Variants in SNX7 observed in about 807,000 individuals in gnomAD.
SNX7 encodes the protein sorting nexin 7, also known as sorting nexin-7.
A neutral mutation model predicts 48.4 loss-of-function variants in SNX7; 35 were observed. That is an observed-to-expected ratio of 0.72 (90% CI 0.55 to 0.96). SNX7 has a LOEUF of 0.96. Ranked by LOEUF, SNX7 falls within the 40% of genes least tolerant of loss-of-function variation. The pLI, the probability that SNX7 is intolerant of heterozygous loss-of-function variation, is 0.00. For synonymous variants in SNX7, 190 were observed against 190.2 expected (o/e 1.00, Z 0.01); for missense variants, 553 against 548.9 (o/e 1.01, Z -0.07).
chr1:98,665,363 G>T (rs1162991280), intron 1 of SNX7, among the ~76,000 whole-genome samples: 1 of 151,982 alleles, frequency 6.6e-6, no homozygotes, highest in South Asian at 2.1e-4. Context: ...GTTCTGGAAG[G>T]TAGCGAACAG....
intron 8 of SNX7, among the ~76,000 whole-genome samples, chr1:98,742,374 T>C (rs553565511): frequency 8.5e-5 from 13 of 152,240 alleles, no homozygotes; most frequent in Admixed American, 5.9e-4. Flanking sequence ...ATCTCACATG[T>C]GGCATCTCAC....
intron 7 of SNX7, among the ~76,000 whole-genome samples, chr1:98,720,967 G>A (rs1652837530): frequency 6.6e-6 from 1 of 152,064 alleles, no homozygotes; most frequent in Non-Finnish European, 1.5e-5. Flanking sequence ...AGTGTACACA[G>A]TACTAGAGCA....
intron 5 of SNX7, among the ~76,000 whole-genome samples, chr1:98,698,050 T>G: frequency 6.6e-6 from 1 of 152,262 alleles, no homozygotes; most frequent in South Asian, 2.1e-4. Context: ...TTTAACTAAT[T>G]TAATTTAACT....
chr1:98,733,865 T>A (rs966875217), intron 7 of SNX7, among the ~76,000 whole-genome samples: 3 of 152,088 alleles, frequency 2.0e-5, no homozygotes, highest in African/African-American at 7.2e-5. Context: ...TCCTCCTTTG[T>A]TTCTCTCTTA....
At chr1:98,665,519 G>A (rs1313694133) in intron 1 of SNX7, among the ~76,000 whole-genome samples, 3 of 152,114 alleles carry the variant, frequency 2.0e-5, no homozygotes, top group East Asian at 1.9e-4. Context: ...TGGTAAATCA[G>A]AGTTATAATG....
Position 98,691,188 on chromosome 1 carries a change from A to C in SNX7, c.474+3A>C, listed in dbSNP as rs772221972. 1 of 1,582,606 alleles carries C rather than the reference A, an allele frequency of 6.3e-7. No individual in the cohort carries two copies. The highest frequency in any genetic ancestry group is 1.8e-5 in the Admixed American group (1 of 56,230). On this transcript the variant is annotated splice_donor_region_variant and intron_variant, in intron 3 of 8. Coordinates refer to ENST00000306121, the MANE Select transcript of SNX7 (RefSeq NM_015976.5). Reference sequence around the variant, plus strand: ...CACACCCCACTCTGATTATTCCAGTAAGTTTGCAAAATTTTTTTTTTCATA... The same window carrying C: ...CACACCCCACTCTGATTATTCCAGTCAGTTTGCAAAATTTTTTTTTTCATA...
At chr1:98,746,120 G>T (rs962178346) in intron 8 of SNX7, among the ~76,000 whole-genome samples, 1 of 151,998 alleles carries the variant, frequency 6.6e-6, no homozygotes, top group Non-Finnish European at 1.5e-5. Context: ...CCGAGAAACT[G>T]CCTTCTCAGT....
Position 98,698,690 on chromosome 1 carries a change from C to CTTT in SNX7, c.839-5_839-3dup. On this transcript the variant is annotated splice_polypyrimidine_tract_variant and intron_variant, in intron 5 of 8. Transcript: ENST00000306121. Reference sequence around the variant, plus strand: ...TTGTTTATTGAAGAGCTTATTAAGTCTTTTTTTTTTTTTAGAATATTTTGA... The same window carrying CTTT: ...TTGTTTATTGAAGAGCTTATTAAGTCTTTTTTTTTTTTTTTTAGAATATTTTGA... The CTTT allele has an allele frequency of 7.5e-7, 1 of 1,328,602 alleles. No individual in the cohort carries two copies. The highest frequency in any genetic ancestry group is 1.0e-6 in the Non-Finnish European group (1 of 958,846). 82.3% of individuals were successfully genotyped at this position (1,328,602 alleles called of 1,614,324 possible). A position where few individuals can be genotyped will look rare whatever the true frequency, so the allele number is the denominator to read the frequency against.
intron 1 of SNX7, among the ~76,000 whole-genome samples, chr1:98,672,282 AC>A (rs1649912858): frequency 6.6e-6 from 1 of 151,776 alleles, no homozygotes. Context: ...TGAAGCAGTA[AC>A]CCCTAACTGG....
intron 1 of SNX7, among the ~76,000 whole-genome samples, chr1:98,684,030 A>G (rs12747469): frequency 1.2e-4 from 18 of 152,090 alleles, no homozygotes; most frequent in Non-Finnish European, 2.5e-4. Context: ...TTAATAACCA[A>G]TCATCTGGTT....
intron 7 of SNX7, among the ~76,000 whole-genome samples, chr1:98,704,296 G>GAT (rs1235196875): frequency 6.6e-6 from 1 of 152,130 alleles, no homozygotes; most frequent in Non-Finnish European, 1.5e-5. Flanking sequence ...TATTCTGTAA[G>GAT]ATACTTTTGG....
At chr1:98,680,123 A>AC (rs1038836012) in intron 1 of SNX7, among the ~76,000 whole-genome samples, 1 of 152,248 alleles carries the variant, frequency 6.6e-6, no homozygotes, top group South Asian at 2.1e-4. Flanking sequence ...AGGTTCCTAA[A>AC]CCCTAATTCT....
chr1:98,675,308 A>G (rs1023064777), intron 1 of SNX7, among the ~76,000 whole-genome samples: 2 of 152,186 alleles, frequency 1.3e-5, no homozygotes, highest in South Asian at 4.1e-4. Flanking sequence ...TGAAGTGAAT[A>G]TAAAACACTT....
intron 7 of SNX7, among the ~76,000 whole-genome samples, chr1:98,703,505 G>T (rs1172509712): frequency 1.3e-5 from 2 of 151,994 alleles, no homozygotes; most frequent in Non-Finnish European, 1.5e-5. Context: ...TAGGAGAAAG[G>T]AATCTGTGAG....
At chr1:98,709,878 C>A (rs985680662) in intron 7 of SNX7, among the ~76,000 whole-genome samples, 2 of 152,080 alleles carry the variant, frequency 1.3e-5, no homozygotes, top group East Asian at 1.9e-4. Context: ...AATGTCTTTA[C>A]TTTCTGTCTT....
chr1:98,750,404 G>A (rs114986843), intron 8 of SNX7, among the ~76,000 whole-genome samples: 2 of 151,864 alleles, frequency 1.3e-5, no homozygotes, highest in South Asian at 2.1e-4. Context: ...TATCCTCATC[G>A]ATGAAGTGAT....
intron 6 of SNX7, among the ~76,000 whole-genome samples, chr1:98,701,272 A>C (rs1220121975): frequency 6.6e-6 from 1 of 152,188 alleles, no homozygotes; most frequent in East Asian, 1.9e-4. Flanking sequence ...TGGCTAACTG[A>C]TGAATATTTT....
At chr1:98,741,148 A>C (rs1247059900) in intron 8 of SNX7, among the ~76,000 whole-genome samples, 1 of 152,174 alleles carries the variant, frequency 6.6e-6, no homozygotes, top group Non-Finnish European at 1.5e-5. Context: ...ATTCTAATGG[A>C]AATACTTCTT....
intron 7 of SNX7, among the ~76,000 whole-genome samples, chr1:98,702,291 T>C (rs1651791990): frequency 6.6e-6 from 1 of 152,166 alleles, no homozygotes; most frequent in Admixed American, 6.5e-5. Flanking sequence ...TCCTGTATAC[T>C]TCTTTTCTAA....
Sources: allele counts gnomAD v4.1 joint callset (sites outside exome capture counted in the v4.1 genomes callset), GRCh38; gene constraint gnomAD v4.1.1; transcripts MANE v1.5; gene names NCBI Gene and HGNC (gene_info 2026-07-23, HGNC 2026-07-21).